SETD2: variants seen among roughly 807,000 people sequenced by gnomAD.
SETD2 encodes histone-lysine N-methyltransferase SETD2.
Under a neutral mutation model 242.1 loss-of-function variants are expected in SETD2, and 31 were observed. The observed-to-expected ratio is 0.13, with a 90% confidence interval of 0.10 to 0.17. The LOEUF (loss-of-function observed/expected upper bound fraction) is 0.17. Among genes scored for constraint, SETD2 ranks in the 10% least tolerant of loss-of-function variants. SETD2 has a pLI of 1.00. For synonymous variants in SETD2, 1,006 were observed against 1,066.5 expected (o/e 0.94, Z 1.11); for missense variants, 2,481 against 3,046.3 (o/e 0.81, Z 4.37).
chr3:47,077,603 C>T (rs890781011), intron 12 of SETD2, among the ~76,000 whole-genome samples: 2 of 152,176 alleles, frequency 1.3e-5, no homozygotes, highest in South Asian at 4.1e-4. Flanking sequence ...AATTGATACA[C>T]ACACACATAT....
intron 12 of SETD2, among the ~76,000 whole-genome samples, chr3:47,069,973 G>A (rs1437379089): frequency 1.3e-5 from 2 of 152,166 alleles, no homozygotes; most frequent in African/African-American, 2.4e-5. Flanking sequence ...GTAAACCTAG[G>A]CACTCCAAAA....
At position 47,017,540 on chromosome 3, in the gene SETD2, A is replaced by G; in HGVS notation, c.7533+98T>C. The G allele has an allele frequency of 3.4e-5, 14 of 410,754 alleles. No individual in the cohort carries two copies. Among genetic ancestry groups the G allele is most frequent in the Non-Finnish European group, 4.0e-6 (1 of 251,722 alleles). 25.4% of individuals were successfully genotyped at this position (410,754 alleles called of 1,614,324 possible). ...GTCCCCAGCTCTGACATCTGACAAG[A>G]AAAAAAAAAATACTTTCTATGATGA... On this transcript the variant is annotated intron_variant, in intron 20 of 20. Transcript: ENST00000409792. The surrounding 1 kb of genome is among the most constrained non-coding windows in gnomAD (Gnocchi z 4.8).
At chr3:47,021,047 A>G (rs970170183) in intron 18 of SETD2, among the ~76,000 whole-genome samples, 22 of 152,228 alleles carry the variant, frequency 1.4e-4, no homozygotes, top group Admixed American at 1.4e-3. Context: ...TTTGTTTTTT[A>G]AGAAAACAAA....
intron 9 of SETD2, among the ~76,000 whole-genome samples, chr3:47,096,327 A>G (rs1168863386): frequency 6.6e-6 from 1 of 152,218 alleles, no homozygotes; most frequent in Non-Finnish European, 1.5e-5. Context: ...CTAATTTATG[A>G]GCTTATTGTG....
rs753398896 is a variant in SETD2 at position 47,057,027 on chromosome 3, T to G, written c.6757A>C (p.Ser2253Arg). 6.2e-6 allele frequency: 10 copies of G among 1,614,158 alleles called. No individual in the cohort carries two copies. The highest frequency in any genetic ancestry group is 1.3e-5 in the African/African-American group (1 of 74,958). ...GCCGGCACTGGCAAGACAGCAACGC[T>G]GGAGTCTTGGTGTACTACACCATCA... ...QSDGVVHQDS[S>R]VAVLPVPAPG... is the part of the protein sequence containing the mutation. The change falls in exon 15 of 21, where the codon AGC (serine) becomes CGC (arginine). Residue 2253 changes from serine to arginine, a missense_variant. Physicochemically the swap from Ser to Arg is moderately radical, Grantham distance 110 (BLOSUM62 -1). Around this residue, in one of 17 missense-constraint regions of SETD2, gnomAD observed 235 missense variants for 293.9 expected, o/e 0.80. Coordinates refer to ENST00000409792, the MANE Select transcript of SETD2 (RefSeq NM_014159.7).
At chr3:47,049,701 T>G (rs1270597497) in intron 15 of SETD2, among the ~76,000 whole-genome samples, 1 of 147,338 alleles carries the variant, frequency 6.8e-6, no homozygotes, top group Non-Finnish European at 1.5e-5. Context: ...TGAGTTTATA[T>G]TATATATTAA....
intron 1 of SETD2, among the ~76,000 whole-genome samples, chr3:47,146,006 ACCCTGTCTC>A (rs1431038670): frequency 8.6e-4 from 90 of 105,096 alleles, no homozygotes; most frequent in African/African-American, 3.2e-3. Context: ...ACAGAGCGAG[ACCCTGTCTC>A]AAAAAAAAAA....
At chr3:47,107,720 C>CGGCGGGGGGCGGGGG (rs1177164556) in intron 5 of SETD2, among the ~76,000 whole-genome samples, 1 of 129,768 alleles carries the variant, frequency 7.7e-6, no homozygotes, top group African/African-American at 2.8e-5. Flanking sequence ...CTTTGGGTGG[C>CGGCGGGGGGCGGGGG]GGGGGGGGGT....
In SETD2 at chr3:47,113,826, G is replaced by A. The variant is rs375565929; in HGVS notation, c.4715+50C>T. 1,917 of 1,585,284 alleles carry A rather than the reference G, an allele frequency of 1.2e-3. 4 individuals carry two copies. The highest frequency in any genetic ancestry group is 1.6e-3 in the Non-Finnish European group (1,814 of 1,164,790). On this transcript the variant is annotated intron_variant, in intron 5 of 20. Transcript: ENST00000409792. ...TGCACTCCAGTCTGGGTGAAAGAGT[G>A]AGACCTTGTCTCAAAAAAGGAAGTG... is the stretch of plus-strand genomic sequence containing the variant.
chr3:47,106,790 CAAG>C (rs2042443708), intron 5 of SETD2, among the ~76,000 whole-genome samples: 2 of 120,808 alleles, frequency 1.7e-5, no homozygotes, highest in African/African-American at 6.2e-5. Context: ...CCAGCCTGGG[CAAG>C]AGAGTGAGAC....
At chr3:47,099,354 G>T (rs1019054011) in intron 8 of SETD2, among the ~76,000 whole-genome samples, 2 of 152,044 alleles carry the variant, frequency 1.3e-5, no homozygotes, top group African/African-American at 2.4e-5. Context: ...AAACTTTTAG[G>T]GTTTTGTATC....
Position 47,123,674 on chromosome 3 carries a change from G to A in SETD2, c.962C>T (p.Ser321Leu), listed in dbSNP as rs2106709570. Reference protein sequence around the residue: ...SSQSEGIFLGSESDEDSVRTS... With the variant: ...SSQSEGIFLGLESDEDSVRTS... ...CCGTACAGAATCTTCATCAGATTCT[G>A]AACCAAGAAAGATGCCTTCAGATTG... is the stretch of plus-strand genomic sequence containing the variant. Residue 321 changes from serine to leucine, a missense_variant, in exon 3 of 21, where the codon TCA becomes TTA. Physicochemically the swap from Ser to Leu is moderately radical, Grantham distance 145. Transcript: ENST00000409792. 1 of 1,551,060 alleles carries A rather than the reference G, an allele frequency of 6.4e-7. No individual in the cohort carries two copies. The highest frequency in any genetic ancestry group is 8.7e-7 in the Non-Finnish European group (1 of 1,146,872).
chr3:47,067,691 T>G (rs1367289006), intron 12 of SETD2, among the ~76,000 whole-genome samples: 1 of 152,098 alleles, frequency 6.6e-6, no homozygotes, highest in East Asian at 1.9e-4. Context: ...ATTACAGGCG[T>G]GAGCCACCAT....
intron 17 of SETD2, among the ~76,000 whole-genome samples, chr3:47,040,110 G>A (rs2039212093): frequency 6.6e-6 from 1 of 151,672 alleles, no homozygotes; most frequent in South Asian, 2.1e-4. Context: ...TCCCAAGTAG[G>A]AAGGATTACA....
chr3:47,140,290 T>C (rs2043696266), intron 1 of SETD2, among the ~76,000 whole-genome samples: 1 of 152,188 alleles, frequency 6.6e-6, no homozygotes, highest in Non-Finnish European at 1.5e-5. Context: ...TGAATGATAT[T>C]CACCTGTTAA....
At chr3:47,073,474 T>G (rs1346745694) in intron 12 of SETD2, among the ~76,000 whole-genome samples, 1 of 152,088 alleles carries the variant, frequency 6.6e-6, no homozygotes, top group African/African-American at 2.4e-5. Flanking sequence ...GAGATTTGAT[T>G]AGAAGATACT....
intron 1 of SETD2, 173 bp downstream of exon 1, chr3:47,163,681 G>A (rs1336140382): frequency 2.1e-6 from 1 of 487,606 alleles, no homozygotes; most frequent in Non-Finnish European, 3.1e-6. Flanking sequence ...CTGCGGCCCC[G>A]GCCAAGCGGC....
intron 15 of SETD2, among the ~76,000 whole-genome samples, chr3:47,050,728 T>G (rs1029830440): frequency 8.5e-6 from 1 of 117,976 alleles, no homozygotes; most frequent in Admixed American, 8.5e-5. Flanking sequence ...TCTCTCTTTT[T>G]TTTTTTTTTT....
At chr3:47,052,746 G>A (rs558457300) in intron 15 of SETD2, among the ~76,000 whole-genome samples, 56 of 152,018 alleles carry the variant, frequency 3.7e-4, no homozygotes, top group Admixed American at 5.9e-4. Context: ...AACCTGGGAG[G>A]CAGAGGTTGC....
Sources: gnomAD v4.1 joint callset for allele counts (sites outside exome capture counted in the v4.1 genomes callset) on GRCh38, gnomAD v4.1.1 for gene constraint, gnomAD v4.1.1 regional missense constraint, Gnocchi (gnomAD v3.1) non-coding constraint, MANE v1.5 for transcripts, NCBI Gene and HGNC (gene_info 2026-07-23, HGNC 2026-07-21) for gene names.